Variants in BEND7 observed in about 807,000 individuals in gnomAD.
The protein encoded by BEND7 is BEN domain-containing protein 7.
BEND7 carries 28 observed loss-of-function variants against 50.9 expected under a neutral mutation model. That is an observed-to-expected ratio of 0.55 (90% CI 0.41 to 0.75). BEND7 has a LOEUF of 0.75. BEND7 is among the 30% of genes least tolerant of loss of function. BEND7 has a pLI of 0.00. For synonymous variants in BEND7, 170 were observed against 183.9 expected, an observed-to-expected ratio of 0.92 and a Z score of 0.61; for missense variants, 477 against 491.3, an observed-to-expected ratio of 0.97 and a Z score of 0.28.
At chr10:13,465,750 C>T (rs72783400) in intron 6 of BEND7, among the ~76,000 whole-genome samples, 1 of 151,940 alleles carries the variant, frequency 6.6e-6, no homozygotes, top group Admixed American at 6.6e-5. Context: ...GCTTGAATGA[C>T]AGTCAGGAGT....
intron 8 of BEND7, chr10:13,441,978 T>C: frequency 1.9e-6 from 1 of 516,828 alleles, no homozygotes; most frequent in Non-Finnish European, 3.4e-6. Flanking sequence ...CAGGGATGCC[T>C]TCTCTCATCT....
intron 3 of BEND7, among the ~76,000 whole-genome samples, chr10:13,498,793 G>T (rs1353742079): frequency 6.6e-6 from 1 of 152,098 alleles, no homozygotes; most frequent in Non-Finnish European, 1.5e-5. Flanking sequence ...GCCAGCATTG[G>T]AACTTTGATA....
chr10:13,454,870 G>A (rs973486986), intron 6 of BEND7, among the ~76,000 whole-genome samples: 1 of 152,150 alleles, frequency 6.6e-6, no homozygotes, highest in Non-Finnish European at 1.5e-5. Flanking sequence ...CATACATGTG[G>A]TGGTTAAAAC....
chr10:13,466,629 A>G (rs894366158), intron 6 of BEND7, among the ~76,000 whole-genome samples: 5 of 152,108 alleles, frequency 3.3e-5, no homozygotes, highest in African/African-American at 1.2e-4. Flanking sequence ...TAACTCATTT[A>G]TTTATTTTAT....
intron 5 of BEND7, among the ~76,000 whole-genome samples, chr10:13,490,381 C>T (rs577664782): frequency 1.3e-5 from 2 of 152,304 alleles, no homozygotes; most frequent in African/African-American, 4.8e-5. Context: ...ACTGCTCTTG[C>T]TCTCCGCGTC....
At chr10:13,455,318 G>T (rs888892802) in intron 6 of BEND7, among the ~76,000 whole-genome samples, 1 of 152,010 alleles carries the variant, frequency 6.6e-6, no homozygotes, top group Admixed American at 6.6e-5. Flanking sequence ...AGGCAGAAGA[G>T]CACATGAAGG....
intron 4 of BEND7, among the ~76,000 whole-genome samples, chr10:13,493,328 C>G (rs1009692519): frequency 6.6e-6 from 1 of 152,170 alleles, no homozygotes; most frequent in Non-Finnish European, 1.5e-5. Flanking sequence ...GGTGCCAAAA[C>G]TGATAAAGAT....
chr10:13,443,939 A>C (rs1228460994), intron 8 of BEND7: 2 of 152,226 alleles, frequency 1.3e-5, no homozygotes, highest in Non-Finnish European at 2.9e-5. Flanking sequence ...ACTTTTATTA[A>C]TTTTTTAAAA....
Position 13,499,828 on chromosome 10 carries a change from G to T in BEND7, c.398C>A (p.Thr133Asn). The change falls in exon 3 of 9, where the codon ACC becomes AAC. Residue 133 changes from threonine (T) to asparagine (N), a missense_variant. Thr to Asn is a moderately conservative substitution (Grantham distance 65). Coordinates refer to ENST00000466271, the MANE Select transcript of BEND7 (RefSeq NM_001369863.1). Reference protein sequence around the residue: ...QSGQFSGQYGTRSRTFQSQPH... With the variant: ...QSGQFSGQYGNRSRTFQSQPH... ...CTGGCTTTGGAAGGTTCTAGAACGG[G>T]TGCCATACTGCCCTGAGAACTGTCC... The T allele has an allele frequency of 9.3e-6, 15 of 1,614,006 alleles. No individual in the cohort carries two copies. The highest frequency in any genetic ancestry group is 1.3e-5 in the Non-Finnish European group (15 of 1,179,900).
In BEND7 at chr10:13,528,838, C is replaced by T. The variant is rs2079575075; in HGVS notation, c.-305G>A. 1 of 144,484 alleles carries T rather than the reference C, an allele frequency of 6.9e-6. No homozygotes were observed. Among genetic ancestry groups the T allele is most frequent in the Non-Finnish European group, 1.5e-5 (1 of 65,236 alleles). 9.0% of individuals were successfully genotyped at this position (144,484 alleles called of 1,614,324 possible). ...CTCATGCCGGCCCGCGGGTTCCAGACGCCGCCCGCCGCAGCCCAACTTTCC... is the reference window on the plus strand; with the variant it reads ...CTCATGCCGGCCCGCGGGTTCCAGATGCCGCCCGCCGCAGCCCAACTTTCC... On this transcript the variant is annotated 5_prime_UTR_variant, in exon 1 of 9. Transcript: ENST00000466271.
chr10:13,504,435 T>C (rs780268149), intron 2 of BEND7, among the ~76,000 whole-genome samples: 51 of 152,162 alleles, frequency 3.4e-4, no homozygotes, highest in Non-Finnish European at 6.3e-4. Context: ...ACCAAGCACT[T>C]TGTGGCTCTA....
intron 5 of BEND7, among the ~76,000 whole-genome samples, chr10:13,488,621 GGGAT>G (rs2076418150): frequency 6.6e-6 from 1 of 152,158 alleles, no homozygotes; most frequent in South Asian, 2.1e-4. Context: ...CCAAGTAGCT[GGGAT>G]TACAGGCATG....
intron 2 of BEND7, among the ~76,000 whole-genome samples, chr10:13,516,233 T>C (rs1305807924): frequency 6.6e-6 from 1 of 152,070 alleles, no homozygotes; most frequent in Non-Finnish European, 1.5e-5. Flanking sequence ...GAGGCAAAGG[T>C]AGTCGAGGTC....
chr10:13,528,090 G>C (rs1467083499), intron 1 of BEND7, among the ~76,000 whole-genome samples: 1 of 151,980 alleles, frequency 6.6e-6, no homozygotes, highest in African/African-American at 2.4e-5. Flanking sequence ...GGGGGGAAGG[G>C]GGAAGACCCC....
At chr10:13,493,503 G>A (rs923093994) in intron 4 of BEND7, among the ~76,000 whole-genome samples, 5 of 152,152 alleles carry the variant, frequency 3.3e-5, no homozygotes, top group African/African-American at 1.2e-4. Flanking sequence ...ACCACCTCCA[G>A]AGCACCCTGC....
At chr10:13,509,480 A>T (rs1432021505) in intron 2 of BEND7, among the ~76,000 whole-genome samples, 1 of 152,190 alleles carries the variant, frequency 6.6e-6, no homozygotes, top group Non-Finnish European at 1.5e-5. Flanking sequence ...ATCGCCAGCT[A>T]CACTTCCCAG....
intron 2 of BEND7, among the ~76,000 whole-genome samples, chr10:13,521,353 C>G (rs527777240): frequency 3.5e-4 from 53 of 152,108 alleles, no homozygotes; most frequent in African/African-American, 1.2e-3. Context: ...AAAAACAACA[C>G]GTTTCTTGGG....
chr10:13,464,195 G>A (rs980672241), intron 6 of BEND7, among the ~76,000 whole-genome samples: 9 of 152,200 alleles, frequency 5.9e-5, no homozygotes, highest in Non-Finnish European at 1.0e-4. Context: ...ACCCACACAT[G>A]GGCACCCAGA....
intron 2 of BEND7, among the ~76,000 whole-genome samples, chr10:13,522,342 G>C (rs940518077): frequency 1.4e-4 from 21 of 152,158 alleles, no homozygotes; most frequent in Admixed American, 6.5e-5. Context: ...CATGAGCCTT[G>C]GCTTTGCCTG....
Sources: allele counts gnomAD v4.1 joint callset (sites outside exome capture counted in the v4.1 genomes callset), GRCh38; gene constraint gnomAD v4.1.1; transcripts MANE v1.5; gene names NCBI Gene and HGNC (gene_info 2026-07-23, HGNC 2026-07-21).